SUN1: variants seen among roughly 807,000 people sequenced by gnomAD.
The protein encoded by SUN1 is Sad1 and UNC84 domain containing 1, also known as SUN domain-containing protein 1.
Under a neutral mutation model 103.2 loss-of-function variants are expected in SUN1, and 61 were observed. The ratio of observed to expected loss-of-function variants is 0.59; its 90% CI spans 0.48 to 0.73. The LOEUF (loss-of-function observed/expected upper bound fraction) is 0.73, where lower values mean the gene tolerates loss of function less well. SUN1 is among the 30% of genes least tolerant of loss of function. The pLI is 0.00. For missense variants in SUN1, 1,052 were observed against 1,034.6 expected (o/e 1.02, Z -0.23); for synonymous variants, 490 against 425.7 (o/e 1.15, Z -1.86).
intron 16 of SUN1, among the ~76,000 whole-genome samples, chr7:866,899 T>G (rs917154334): frequency 1.3e-5 from 2 of 151,610 alleles, no homozygotes; most frequent in African/African-American, 4.9e-5. Context: ...GCTGTACAAG[T>G]TTAAAGCACT....
intron 16 of SUN1, chr7:868,343 G>T: frequency 4.6e-6 from 1 of 216,168 alleles, no homozygotes; most frequent in South Asian, 6.1e-5. Flanking sequence ...GGAGGTGGGG[G>T]TGCGATCGCA....
At chr7:851,147 A>C (rs1364451446) in intron 5 of SUN1, 3 of 333,664 alleles carry the variant, frequency 9.0e-6, no homozygotes, top group African/African-American at 4.1e-5. Flanking sequence ...AAGTATCTGC[A>C]GGCAGAAGTG....
chr7:844,002 G>T, intron 5 of SUN1: 1 of 574,586 alleles, frequency 1.7e-6, no homozygotes, highest in Non-Finnish European at 2.3e-6. Flanking sequence ...TGTAGGTCTG[G>T]GAAGGACACA....
At position 860,125 on chromosome 7, in the gene SUN1, T is replaced by C. The variant is rs1831072926; in HGVS notation, c.1525-3T>C. 2 of 1,613,340 alleles carry C rather than the reference T, an allele frequency of 1.2e-6. No individual in the cohort carries two copies. The highest frequency in any genetic ancestry group is 1.1e-5 in the South Asian group (1 of 91,086). ...CATTTGTGTCCGTCTGCTGTTTTACTAGGTGGACGTGCAAGTCAGAGAAAT... is the reference window on the plus strand; with the variant it reads ...CATTTGTGTCCGTCTGCTGTTTTACCAGGTGGACGTGCAAGTCAGAGAAAT... On this transcript the variant is annotated splice_region_variant and splice_polypyrimidine_tract_variant and intron_variant, in intron 13 of 18. Transcript: ENST00000401592.
At chr7:835,772 G>A (rs1326273054) in intron 1 of SUN1, among the ~76,000 whole-genome samples, 1 of 152,206 alleles carries the variant, frequency 6.6e-6, no homozygotes, top group African/African-American at 2.4e-5. Flanking sequence ...TCCAGCCATT[G>A]GTGATGGTTG....
At chr7:857,496 G>A (rs569601075) in intron 12 of SUN1, among the ~76,000 whole-genome samples, 81 of 152,266 alleles carry the variant, frequency 5.3e-4, no homozygotes, top group Admixed American at 1.0e-3. Flanking sequence ...ACCGCACCCA[G>A]TCCAGAAATA....
Position 854,946 on chromosome 7 carries a change from A to G in SUN1, c.1290A>G (p.Glu430=), listed in dbSNP as rs773434127. 50 of 1,613,660 alleles carry G rather than the reference A, an allele frequency of 3.1e-5. No individual in the cohort carries two copies. The highest frequency in any genetic ancestry group is 5.1e-6 in the Non-Finnish European group (6 of 1,179,872). The change falls in exon 11 of 19, where the codon GAA becomes GAG. Residue 430 remains glutamate, a synonymous_variant. Transcript: ENST00000401592. ...CTGACTTTATGGCCTTTCACCAAGA[A>G]CATGAAGTGCGTATGTCACACTTGG... is the stretch of plus-strand genomic sequence containing the variant. ...RETDFMAFHQ[E]HEVRMSHLED...
intron 2 of SUN1, among the ~76,000 whole-genome samples, chr7:840,862 C>T (rs1166254723): frequency 4.0e-5 from 6 of 151,742 alleles, no homozygotes; most frequent in Non-Finnish European, 5.9e-5. Context: ...AGGATGGTCC[C>T]GATCTCCTGA....
At chr7:816,081 C>T (rs1276351309), upstream of SUN1, among the ~76,000 whole-genome samples, 1 of 150,188 alleles carries the variant, frequency 6.7e-6, no homozygotes. Context: ...GACGCCCTCC[C>T]CCAGATGCAC....
At chr7:842,584 T>C (rs1345977164) in intron 3 of SUN1, 1 of 193,608 alleles carries the variant, frequency 5.2e-6, no homozygotes, top group African/African-American at 2.4e-5. Flanking sequence ...TGCTGCAGGG[T>C]GAGGCACTGG....
rs1399157020 is a variant in SUN1 at position 839,549 on chromosome 7, C to CCCAGTTCATTCTTTAGGTCTTTATTA, written c.266+563_266+564insCCAGTTCATTCTTTAGGTCTTTATTA. ...TACAGGCGCCCGCCACCACGCCTGG[C>CCCAGTTCATTCTTTAGGTCTTTATTA]AAATTTTCCTTTTTTTTTGAGACAG... On this transcript the variant is annotated intron_variant, in intron 2 of 18. Transcript: ENST00000401592. 3.5e-4 allele frequency among the ~76,000 whole-genome samples: 41 copies of CCCAGTTCATTCTTTAGGTCTTTATTA among 118,206 alleles called. 3 individuals are homozygous for CCCAGTTCATTCTTTAGGTCTTTATTA. The highest frequency in any genetic ancestry group is 4.9e-3 in the Middle Eastern group (1 of 206). The allele number at this position is 118,206 out of a possible 152,430, so 77.5% of individuals were successfully genotyped here.
intron 1 of SUN1, among the ~76,000 whole-genome samples, chr7:825,465 G>A (rs535902811): frequency 2.4e-4 from 37 of 152,288 alleles, no homozygotes; most frequent in African/African-American, 3.4e-4. Flanking sequence ...CCATCCGCCC[G>A]AATTTACTCA....
At chr7:841,719 C>T (rs1297373369) in intron 2 of SUN1, 3 of 499,080 alleles carry the variant, frequency 6.0e-6, no homozygotes, top group African/African-American at 6.0e-5. Context: ...CCCAAAATAA[C>T]CTGGAAACTA....
chr7:873,459 T>C lies in SUN1; in HGVS notation c.*128T>C. The C allele has an allele frequency of 3.1e-6, 3 of 952,688 alleles. No individual in the cohort carries two copies. The highest frequency in any genetic ancestry group is 3.1e-5 in the South Asian group (2 of 63,554). 59.0% of individuals were successfully genotyped at this position (952,688 alleles called of 1,614,324 possible). On this transcript the variant is annotated 3_prime_UTR_variant, in exon 19 of 19. Coordinates refer to ENST00000401592, the MANE Select transcript of SUN1 (RefSeq NM_001130965.3). ...ACACTCCTTCAATAAACGTGGCTGC[T>C]GGCCAGAGGACGTGAGCGTGTGACG...
intron 1 of SUN1, among the ~76,000 whole-genome samples, chr7:823,730 C>T (rs1270040343): frequency 6.6e-6 from 1 of 152,098 alleles, no homozygotes; most frequent in East Asian, 1.9e-4. Flanking sequence ...AGACTGGAGC[C>T]AGGGAGACGG....
At position 855,837 on chromosome 7, in the gene SUN1, G is replaced by A. The variant is rs181386754; in HGVS notation, c.1351-521G>A. Among the ~76,000 whole-genome samples the A allele has an allele frequency of 2.8e-3, 431 of 151,852 alleles. 2 individuals carry two copies. The highest frequency in any genetic ancestry group is 9.8e-3 in the African/African-American group (407 of 41,414). On this transcript the variant is annotated intron_variant, in intron 11 of 18. Coordinates refer to ENST00000401592, the MANE Select transcript of SUN1 (RefSeq NM_001130965.3). ...CTGCGGGGCGCCTCCTCCTCTGTCC[G>A]CCCAAGAGGGTCCGCGGGGCGCCTC... is the stretch of plus-strand genomic sequence containing the variant.
intron 2 of SUN1, among the ~76,000 whole-genome samples, chr7:841,614 G>A (rs1810027810): frequency 6.6e-6 from 1 of 152,148 alleles, no homozygotes; most frequent in South Asian, 2.1e-4. Flanking sequence ...TTTTAGAAAA[G>A]GGGAGGATTA....
chr7:866,070 G>C lies in SUN1; in HGVS notation c.1980+3G>C. On this transcript the variant is annotated splice_donor_region_variant and intron_variant, in intron 16 of 18. Transcript: ENST00000401592. ...AGTCCCCGCGCGTGGTCATCCAGGT[G>C]AGTGGCCGCCGGTGGCCGGAGCTGC... 6.2e-7 allele frequency: 1 copy of C among 1,613,852 alleles called. No homozygotes were observed. Among genetic ancestry groups the C allele is most frequent in the Non-Finnish European group, 8.5e-7 (1 of 1,179,808 alleles).
rs1327578409 is a variant in SUN1 at position 873,432 on chromosome 7, C to CCA, written c.*105_*106dup. On this transcript the variant is annotated 3_prime_UTR_variant, in exon 19 of 19. Transcript: ENST00000401592. ...GGGCATATACAATGATGGGACAGTG[C>CCA]CACACTCCTTCAATAAACGTGGCTG... 3.6e-6 allele frequency: 4 copies of CCA among 1,108,116 alleles called. No homozygotes were observed. Among genetic ancestry groups the CCA allele is most frequent in the Non-Finnish European group, 5.3e-6 (4 of 751,770 alleles). 68.6% of individuals were successfully genotyped at this position (1,108,116 alleles called of 1,614,324 possible).
Sources: allele counts gnomAD v4.1 joint callset (sites outside exome capture counted in the v4.1 genomes callset), GRCh38; gene constraint gnomAD v4.1.1; transcripts MANE v1.5; gene names NCBI Gene and HGNC (gene_info 2026-07-23, HGNC 2026-07-21).